The following MCUR1 variants were observed in gnomAD, a reference collection of about 807,000 sequenced individuals.
MCUR1 encodes the protein mitochondrial calcium uniporter regulator 1.
A neutral mutation model predicts 42.0 loss-of-function variants in MCUR1; 37 were observed. That is an observed-to-expected ratio of 0.88 (90% CI 0.68 to 1.16). The LOEUF (loss-of-function observed/expected upper bound fraction) is 1.16. Among genes scored for constraint, MCUR1 ranks in the 50% most tolerant of loss-of-function variants. MCUR1 has a pLI of 0.00. For missense variants in MCUR1, 469 were observed against 468.4 expected (o/e 1.00, Z -0.01); for synonymous variants, 229 against 196.2 (o/e 1.17, Z -1.40).
At chr6:13,808,026 G>A (rs1271451296) in intron 1 of MCUR1, among the ~76,000 whole-genome samples, 1 of 152,130 alleles carries the variant, frequency 6.6e-6, no homozygotes, top group Non-Finnish European at 1.5e-5. Flanking sequence ...GTTGAGAGGT[G>A]GGTCCTTTAA....
intron 6 of MCUR1, among the ~76,000 whole-genome samples, 182 bp from the exon 7 acceptor site, chr6:13,794,129 T>C (rs561208289): frequency 1.3e-5 from 2 of 152,140 alleles, no homozygotes; most frequent in East Asian, 3.9e-4. Context: ...TTTTTTTTTT[T>C]TTCCATAGAG....
In MCUR1 at chr6:13,790,866, T is replaced by G; in HGVS notation, c.1025-2A>C. ...CTGTTAGGCACGTAAATATAGACCC[T>G]GTAAGAAAAAAACAATTGAGAGTAC... On this transcript the variant is annotated splice_acceptor_variant, in intron 8 of 8. Transcript: ENST00000379170. LOFTEE classifies it high-confidence loss of function. 1 of 1,605,578 alleles carries G rather than the reference T, an allele frequency of 6.2e-7. No individual in the cohort carries two copies. The highest frequency in any genetic ancestry group is 8.5e-7 in the Non-Finnish European group (1 of 1,174,496).
intron 8 of MCUR1, among the ~76,000 whole-genome samples, chr6:13,791,572 A>G (rs186888224): frequency 2.0e-5 from 3 of 152,304 alleles, no homozygotes; most frequent in Admixed American, 2.0e-4. Context: ...TTTATCCATA[A>G]AATATTTCCT....
At chr6:13,813,923 G>A (rs2113486556) in intron 1 of MCUR1, 92 bp downstream of exon 1, 1 of 1,196,788 alleles carries the variant, frequency 8.4e-7, no homozygotes, top group Non-Finnish European at 1.0e-6. Flanking sequence ...CGGCCTGCCG[G>A]GCCTTTCCTC....
At chr6:13,801,671 G>A (rs1485806945) in intron 3 of MCUR1, among the ~76,000 whole-genome samples, 1 of 152,144 alleles carries the variant, frequency 6.6e-6, no homozygotes, top group East Asian at 1.9e-4. Context: ...GCAACATGGT[G>A]AAACCCCATC....
At chr6:13,804,814 A>AAAAAAAAAAAAAAG (rs1230089057) in intron 2 of MCUR1, among the ~76,000 whole-genome samples, 1 of 148,804 alleles carries the variant, frequency 6.7e-6, no homozygotes, top group African/African-American at 2.5e-5. Flanking sequence ...AAAAAAAAAA[A>AAAAAAAAAAAAAAG]GTGGAAGTCT....
At chr6:13,810,469 T>C (rs918413558) in intron 1 of MCUR1, among the ~76,000 whole-genome samples, 4 of 152,198 alleles carry the variant, frequency 2.6e-5, no homozygotes, top group African/African-American at 9.7e-5. Context: ...TCTGGTGTTG[T>C]AGAAGTCTGG....
chr6:13,803,924 G>A (rs1208579841), intron 2 of MCUR1: 1 of 968,078 alleles, frequency 1.0e-6, no homozygotes, highest in African/African-American at 1.8e-5. Flanking sequence ...TTGAGCCCAG[G>A]AGTTCAGAAC....
chr6:13,810,167 C>T (rs972937190), intron 1 of MCUR1, among the ~76,000 whole-genome samples: 2 of 151,490 alleles, frequency 1.3e-5, no homozygotes, highest in Non-Finnish European at 2.9e-5. Context: ...CGCACCACTG[C>T]ACTACAGCCT....
In MCUR1 at chr6:13,800,333, A is replaced by T; in HGVS notation, c.783+8T>A. The T allele has an allele frequency of 6.4e-7, 1 of 1,561,046 alleles. No individual in the cohort carries two copies. Among genetic ancestry groups the T allele is most frequent in the East Asian group, 2.3e-5 (1 of 44,238 alleles). On this transcript the variant is annotated splice_region_variant and intron_variant, in intron 5 of 8. Transcript: ENST00000379170. ...AAACCAGCCAACAAACAGGAAAGTG[A>T]ATCTTACCATTACTTGTTGTTTTAA... is the stretch of plus-strand genomic sequence containing the variant.
intron 7 of MCUR1, among the ~76,000 whole-genome samples, chr6:13,793,140 A>AG (rs1759770145): frequency 6.6e-6 from 1 of 151,468 alleles, no homozygotes; most frequent in African/African-American, 2.4e-5. Context: ...AAAAAAAAAA[A>AG]AAAAAAGAAA....
rs1228877652 is a variant in MCUR1 at position 13,787,631 on chromosome 6, T to TA, written c.*3177dup. The TA allele has an allele frequency of 6.6e-6, 1 of 152,080 alleles. No homozygotes were observed. The highest frequency in any genetic ancestry group is 1.5e-5 in the Non-Finnish European group (1 of 68,024). The allele number at this position is 152,080 out of a possible 1,614,324, so 9.4% of individuals were successfully genotyped here. On this transcript the variant is annotated 3_prime_UTR_variant, in exon 9 of 9. Coordinates refer to ENST00000379170, the MANE Select transcript of MCUR1 (RefSeq NM_001031713.4). The stretch of plus-strand genomic sequence containing the variant: ...GAGTGATTCGTGCAGGAGAGGGAAA[T>TA]ACAGACGTTCCGTCCATGTGAGATT...
In MCUR1 at chr6:13,793,790, A is replaced by G. The variant is rs1207738352; in HGVS notation, c.909+104T>C. Reference sequence around the variant, plus strand: ...GCACAATGTAAAAAATTCCCATGACAGTAAACCTGCATGTAACTTCCTATT... The same window carrying G: ...GCACAATGTAAAAAATTCCCATGACGGTAAACCTGCATGTAACTTCCTATT... On this transcript the variant is annotated intron_variant, in intron 7 of 8. Transcript: ENST00000379170. The G allele has an allele frequency of 4.1e-6, 4 of 984,116 alleles. No individual in the cohort carries two copies. In the East Asian group the frequency reaches 7.3e-5, roughly 18 times the overall value. 61.0% of individuals were successfully genotyped at this position (984,116 alleles called of 1,614,324 possible). A position where few individuals can be genotyped will look rare whatever the true frequency, so the allele number is the denominator to read the frequency against.
At chr6:13,796,290 T>TC (rs1491496699) in intron 6 of MCUR1, among the ~76,000 whole-genome samples, 1 of 141,192 alleles carries the variant, frequency 7.1e-6, no homozygotes, top group Non-Finnish European at 1.5e-5. Flanking sequence ...TTTTTTCTTT[T>TC]CTTTTTTTTT....
At chr6:13,801,435 G>T in intron 3 of MCUR1, 46 bp from the exon 4 acceptor site, 1 of 1,347,770 alleles carries the variant, frequency 7.4e-7, no homozygotes, top group Non-Finnish European at 1.1e-6. Context: ...ACCCTAAAAA[G>T]TCCACTTCCT....
chr6:13,801,832 A>G (rs1368730779), intron 3 of MCUR1, among the ~76,000 whole-genome samples: 1 of 152,132 alleles, frequency 6.6e-6, no homozygotes, highest in African/African-American at 2.4e-5. Context: ...CAGCCTGGGC[A>G]AATGAGTGAT....
chr6:13,803,451 T>C (rs957590654), intron 2 of MCUR1, among the ~76,000 whole-genome samples: 9 of 152,208 alleles, frequency 5.9e-5, no homozygotes, highest in Admixed American at 5.2e-4. Flanking sequence ...GCCTGGGAAA[T>C]AGTTCTATTA....
rs1760309082 is a variant in MCUR1 at position 13,814,163 on chromosome 6, GAGCTGCCGGCGCGGGGCTGC to G, written c.247_266del (p.Ala83ArgfsTer149). On this transcript the variant is annotated frameshift_variant, in exon 1 of 9. Coordinates refer to ENST00000379170, the MANE Select transcript of MCUR1 (RefSeq NM_001031713.4). LOFTEE classifies it high-confidence loss of function. ...CGAGGCGCGAGCGCTCCCAGTCCCCGAGCTGCCGGCGCGGGGCTGCGGCGGCCAAGCGCGGGGAGGGCACT... is the reference window on the plus strand; with the variant it reads ...CGAGGCGCGAGCGCTCCCAGTCCCCGGGCGGCCAAGCGCGGGGAGGGCACT... The G allele has an allele frequency of 4.5e-6, 6 of 1,331,608 alleles. No individual in the cohort carries two copies. The highest frequency in any genetic ancestry group is 5.7e-6 in the Non-Finnish European group (6 of 1,048,366). The allele number at this position is 1,331,608 out of a possible 1,614,324, so 82.5% of individuals were successfully genotyped here. A position where few individuals can be genotyped will look rare whatever the true frequency, so the allele number is the denominator to read the frequency against.
At chr6:13,792,382 C>A (rs927419006) in intron 7 of MCUR1, among the ~76,000 whole-genome samples, 2 of 152,150 alleles carry the variant, frequency 1.3e-5, no homozygotes, top group African/African-American at 4.8e-5. Context: ...ACGTCTCATC[C>A]TTCTAAATCC....
Sources: gnomAD v4.1 joint callset for allele counts (sites outside exome capture counted in the v4.1 genomes callset) on GRCh38, gnomAD v4.1.1 for gene constraint, MANE v1.5 for transcripts, NCBI Gene and HGNC (gene_info 2026-07-23, HGNC 2026-07-21) for gene names.